A2ML1: variants seen among roughly 807,000 people sequenced by gnomAD.
A2ML1 encodes alpha-2-macroglobulin-like protein 1.
Under a neutral mutation model 181.9 loss-of-function variants are expected in A2ML1, and 161 were observed. That is an observed-to-expected ratio of 0.89 (90% CI 0.78 to 1.01). The LOEUF is 1.01. Among genes scored for constraint, A2ML1 ranks in the 50% least tolerant of loss-of-function variants. The probability of loss-of-function intolerance (pLI) is 0.00; values close to 1 mark genes in which losing one functional copy is unlikely to be tolerated. For synonymous variants in A2ML1, 663 were observed against 666.8 expected (o/e 0.99, Z 0.09); for missense variants, 1,670 against 1,768.1 (o/e 0.94, Z 1.00).
chr12:8,843,649 T>C (rs772976328), intron 12 of A2ML1, among the ~76,000 whole-genome samples: 1 of 152,194 alleles, frequency 6.6e-6, no homozygotes, highest in Non-Finnish European at 1.5e-5. Flanking sequence ...AAACTCAGTA[T>C]GTATTTTACA....
At position 8,836,012 on chromosome 12, in the gene A2ML1, CA is replaced by C. The variant is rs753902128; in HGVS notation, c.644-221del. Among the ~76,000 whole-genome samples the C allele has an allele frequency of 0.067, 3,515 of 52,216 alleles. 70 individuals carry two copies. Among genetic ancestry groups the C allele is most frequent in the African/African-American group, 0.18 (2,903 of 16,522 alleles). 34.3% of individuals were successfully genotyped at this position (52,216 alleles called of 152,430 possible). A position where few individuals can be genotyped will look rare whatever the true frequency, so the allele number is the denominator to read the frequency against. On this transcript the variant is annotated intron_variant, in intron 6 of 35. Coordinates refer to ENST00000299698, the MANE Select transcript of A2ML1 (RefSeq NM_144670.6). Reference sequence around the variant, plus strand: ...TGGGTGACAGAGCAAGACTCCGTCTCAAAAAAAAAAAAAAAAAAAAAATCAG... The same window carrying C: ...TGGGTGACAGAGCAAGACTCCGTCTCAAAAAAAAAAAAAAAAAAAAATCAG...
chr12:8,845,426 T>C lies in A2ML1; in HGVS notation c.1477-16T>C, dbSNP rs1943634539. The C allele has an allele frequency of 1.2e-6, 2 of 1,613,710 alleles. No individual in the cohort carries two copies. Among genetic ancestry groups the C allele is most frequent in the Non-Finnish European group, 1.7e-6 (2 of 1,179,840 alleles). On this transcript the variant is annotated splice_polypyrimidine_tract_variant and intron_variant, in intron 12 of 35. Coordinates refer to ENST00000299698, the MANE Select transcript of A2ML1 (RefSeq NM_144670.6). Reference sequence around the variant, plus strand: ...TGTAACTTCTGTGCAGTTGATTCTTTTCTTTTCTTCTTTAGTTAATAGGGA... The same window carrying C: ...TGTAACTTCTGTGCAGTTGATTCTTCTCTTTTCTTCTTTAGTTAATAGGGA...
intron 28 of A2ML1, among the ~76,000 whole-genome samples, chr12:8,861,800 C>A (rs1944276321): frequency 6.6e-6 from 1 of 150,762 alleles, no homozygotes; most frequent in African/African-American, 2.5e-5. Flanking sequence ...TCTCTTCTTG[C>A]CCAAGCTGGA....
chr12:8,845,233 A>T, intron 12 of A2ML1: 2 of 1,531,698 alleles, frequency 1.3e-6, no homozygotes, highest in Non-Finnish European at 1.8e-6. Context: ...GTTCTCAGCC[A>T]GACCTCCAAC....
chr12:8,871,273 C>T (rs186199446), intron 33 of A2ML1, among the ~76,000 whole-genome samples: 2 of 152,090 alleles, frequency 1.3e-5, no homozygotes, highest in Admixed American at 6.6e-5. Context: ...TGACCTAATC[C>T]ATGATCTGTT....
intron 33 of A2ML1, among the ~76,000 whole-genome samples, chr12:8,873,396 G>A (rs1218285476): frequency 6.6e-6 from 1 of 151,930 alleles, no homozygotes; most frequent in African/African-American, 2.4e-5. Flanking sequence ...TTATATTAAA[G>A]TAACTTATAC....
intron 4 of A2ML1, among the ~76,000 whole-genome samples, chr12:8,831,696 T>C (rs890031319): frequency 3.3e-5 from 5 of 152,208 alleles, no homozygotes; most frequent in African/African-American, 1.2e-4. Flanking sequence ...GGAGTTTTAC[T>C]GTTACTCAAA....
rs1181948169 is a variant in A2ML1, at chr12:8,864,001, C to A, written c.3710C>A (p.Ser1237Tyr). Reference sequence around the variant, plus strand: ...CACAATGCATATGGGGGCTTCTCTTCTACTCAGGTAAACAGCCTGTTCTCC... The same window carrying A: ...CACAATGCATATGGGGGCTTCTCTTATACTCAGGTAAACAGCCTGTTCTCC... Reference protein sequence around the residue: ...KQHNAYGGFSSTQDTVVALQA... With the variant: ...KQHNAYGGFSYTQDTVVALQA... Residue 1237 changes from serine (S) to tyrosine (Y), a missense_variant, in exon 29 of 36, where the codon TCT (serine) becomes TAT (tyrosine). Coordinates refer to ENST00000299698, the MANE Select transcript of A2ML1 (RefSeq NM_144670.6). 1 of 1,611,790 alleles carries A rather than the reference C, an allele frequency of 6.2e-7. No homozygotes were observed. Among genetic ancestry groups the A allele is most frequent in the South Asian group, 1.1e-5 (1 of 90,812 alleles).
intron 12 of A2ML1, among the ~76,000 whole-genome samples, chr12:8,844,572 TA>T (rs1485291873): frequency 6.6e-6 from 1 of 151,954 alleles, no homozygotes; most frequent in African/African-American, 2.4e-5. Context: ...AGTCAGGAAG[TA>T]GAATGGAAAC....
chr12:8,846,135 T>C lies in A2ML1; in HGVS notation c.1596T>C (p.Pro532=). 6.2e-7 allele frequency: 1 copy of C among 1,614,202 alleles called. No homozygotes were observed. Among genetic ancestry groups the C allele is most frequent in the Non-Finnish European group, 8.5e-7 (1 of 1,180,022 alleles). ...TCACTTCGAGACTGGCCCCTGATCCTTCCCTGGTGATCTATGCCATTTTTC... is the reference window on the plus strand; with the variant it reads ...TCACTTCGAGACTGGCCCCTGATCCCTCCCTGGTGATCTATGCCATTTTTC... ...LTFTSRLAPD[P]SLVIYAIFPS... The change falls in exon 14 of 36, where the codon CCT becomes CCC. Residue 532 remains proline (P), a synonymous_variant. Coordinates refer to ENST00000299698, the MANE Select transcript of A2ML1 (RefSeq NM_144670.6).
chr12:8,849,304 A>G (rs1592133468), intron 16 of A2ML1, among the ~76,000 whole-genome samples: 1 of 152,264 alleles, frequency 6.6e-6, no homozygotes, highest in South Asian at 2.1e-4. Flanking sequence ...TCATCTTTGT[A>G]TTCTCTCTAA....
At position 8,822,733 on chromosome 12, in the gene A2ML1, A is replaced by C. The variant is rs760450619; in HGVS notation, c.62+20A>C. Reference sequence around the variant, plus strand: ...ACTTCCGTGAGTGCTTGGTGTCAGAATTGGTTTATTAGGGCAGCGGCTTCT... The same window carrying C: ...ACTTCCGTGAGTGCTTGGTGTCAGACTTGGTTTATTAGGGCAGCGGCTTCT... On this transcript the variant is annotated intron_variant, in intron 1 of 35. Coordinates refer to ENST00000299698, the MANE Select transcript of A2ML1 (RefSeq NM_144670.6). 1.9e-6 allele frequency: 3 copies of C among 1,613,294 alleles called. No homozygotes were observed. In the Admixed American group the frequency reaches 5.0e-5, roughly 27 times the overall value.
intron 16 of A2ML1, among the ~76,000 whole-genome samples, chr12:8,849,175 C>A (rs948940363): frequency 1.3e-5 from 2 of 152,080 alleles, no homozygotes; most frequent in Non-Finnish European, 2.9e-5. Context: ...GAAGGTAGAC[C>A]AGAGGTCTCT....
intron 26 of A2ML1, among the ~76,000 whole-genome samples, 172 bp from the exon 27 acceptor site, chr12:8,860,709 G>A (rs962397286): frequency 1.3e-5 from 2 of 152,158 alleles, no homozygotes; most frequent in African/African-American, 2.4e-5. Flanking sequence ...CCCTCTTTGT[G>A]TGTCCTGGAG....
At chr12:8,845,120 A>G in intron 12 of A2ML1, 7 of 1,473,344 alleles carry the variant, frequency 4.8e-6, no homozygotes, top group Non-Finnish European at 6.3e-6. Flanking sequence ...TGTTACAAAG[A>G]TTATAAGAAA....
chr12:8,838,629 C>A (rs191308401), intron 9 of A2ML1, among the ~76,000 whole-genome samples, 179 bp downstream of exon 9: 167 of 152,130 alleles, frequency 1.1e-3, no homozygotes, highest in Middle Eastern at 3.4e-3. Flanking sequence ...AGAAATACTA[C>A]GGGCCGGGCA....
chr12:8,874,979 G>C lies in A2ML1; in HGVS notation c.4333G>C (p.Ala1445Pro). The C allele has an allele frequency of 1.2e-6, 2 of 1,614,050 alleles. No individual in the cohort carries two copies. The highest frequency in any genetic ancestry group is 4.5e-5 in the East Asian group (2 of 44,882). The change falls in exon 35 of 36, where the codon GCA becomes CCA. Residue 1445 changes from alanine (A) to proline (P), a missense_variant. Coordinates refer to ENST00000299698, the MANE Select transcript of A2ML1 (RefSeq NM_144670.6). ...VYDYYLPDEQ[A>P]TIQYSDPCE The stretch of plus-strand genomic sequence containing the variant: ...CTTATTTCATTTCACAGATGAACAG[G>C]CAACAATTCAGTATTCTGATCCCTG...
rs764188902 is a variant in A2ML1 at position 8,846,217 on chromosome 12, A to G, written c.1678A>G (p.Asn560Asp). The G allele has an allele frequency of 2.8e-5, 45 of 1,614,028 alleles. No individual in the cohort carries two copies. In the East Asian group the frequency reaches 4.0e-4, roughly 14 times the overall value. Residue 560 changes from asparagine (N) to aspartate (D), a missense_variant, in exon 14 of 36, where the codon AAT becomes GAT. Coordinates refer to ENST00000299698, the MANE Select transcript of A2ML1 (RefSeq NM_144670.6). ...GTTCTCAGTCGAGATGTGCTTTGAC[A>G]ATCAGGTAAAATGATAGCGGAGAAG... ...IQFSVEMCFD[N>D]QVSLGFSPSQ...
At chr12:8,851,035 G>A (rs1210130030) in intron 18 of A2ML1, among the ~76,000 whole-genome samples, 1 of 152,106 alleles carries the variant, frequency 6.6e-6, no homozygotes, top group Non-Finnish European at 1.5e-5. Context: ...CACTGCGCCC[G>A]GCCTACCTGA....
Sources: gnomAD v4.1 joint callset for allele counts (sites outside exome capture counted in the v4.1 genomes callset) on GRCh38, gnomAD v4.1.1 for gene constraint, MANE v1.5 for transcripts, NCBI Gene and HGNC (gene_info 2026-07-23, HGNC 2026-07-21) for gene names.